SLC2A9: variants seen among roughly 807,000 people sequenced by gnomAD.
SLC2A9 encodes the protein solute carrier family 2, facilitated glucose transporter member 9.
A neutral mutation model predicts 50.6 loss-of-function variants in SLC2A9; 39 were observed. The ratio of observed to expected loss-of-function variants is 0.77; its 90% CI spans 0.60 to 1.01. SLC2A9 has a LOEUF of 1.01. Among genes scored for constraint, SLC2A9 ranks in the 50% least tolerant of loss-of-function variants. The probability of loss-of-function intolerance (pLI) is 0.00; values close to 1 mark genes in which losing one functional copy is unlikely to be tolerated. For synonymous variants in SLC2A9, 324 were observed against 276.9 expected, an observed-to-expected ratio of 1.17 and a Z score of -1.69; for missense variants, 686 against 677.6, an observed-to-expected ratio of 1.01 and a Z score of -0.14.
intron 8 of SLC2A9, among the ~76,000 whole-genome samples, chr4:9,902,349 G>T (rs1166459304): frequency 1.3e-5 from 2 of 152,224 alleles, no homozygotes; most frequent in Admixed American, 6.5e-5. Flanking sequence ...GTGAGCACTT[G>T]CTGAGTGCTG....
intron 6 of SLC2A9, among the ~76,000 whole-genome samples, chr4:9,921,923 G>GC (rs1553874745): frequency 1.3e-5 from 2 of 149,086 alleles, no homozygotes; most frequent in African/African-American, 2.5e-5. Context: ...CATAACCTAT[G>GC]TTTTTTTTTT....
At chr4:9,869,727 T>G (rs149236596) in intron 10 of SLC2A9, among the ~76,000 whole-genome samples, 5 of 152,362 alleles carry the variant, frequency 3.3e-5, no homozygotes, top group Non-Finnish European at 7.3e-5. Flanking sequence ...AGACAGTAAG[T>G]AGGTGTCCAA....
chr4:9,840,650 G>C (rs967010642), intron 10 of SLC2A9, among the ~76,000 whole-genome samples: 3 of 152,054 alleles, frequency 2.0e-5, no homozygotes, highest in Non-Finnish European at 2.9e-5. Context: ...GGGCTACTTG[G>C]GATATTTGTC....
intron 5 of SLC2A9, among the ~76,000 whole-genome samples, chr4:9,951,009 G>T (rs115197687): frequency 1.3e-5 from 2 of 151,230 alleles, no homozygotes; most frequent in East Asian, 3.9e-4. Context: ...CAAAGGAAAA[G>T]AAATTCATAC....
intron 2 of SLC2A9, among the ~76,000 whole-genome samples, chr4:10,012,180 C>T (rs1761875048): frequency 6.6e-6 from 1 of 152,194 alleles, no homozygotes; most frequent in African/African-American, 2.4e-5. Context: ...CTTCACAGAA[C>T]GTTTGCTGAT....
intron 10 of SLC2A9, among the ~76,000 whole-genome samples, chr4:9,873,229 G>T (rs1733742403): frequency 1.3e-5 from 2 of 152,038 alleles, no homozygotes; most frequent in African/African-American, 4.8e-5. Flanking sequence ...GTGTGTGTTT[G>T]TGTGTTTGCT....
At chr4:9,924,935 T>A (rs1294913276) in intron 6 of SLC2A9, among the ~76,000 whole-genome samples, 2 of 152,164 alleles carry the variant, frequency 1.3e-5, no homozygotes, top group Admixed American at 6.5e-5. Context: ...ACTGGGCTCA[T>A]TATCCCCAGG....
At chr4:9,923,154 G>C (rs1304305488) in intron 6 of SLC2A9, among the ~76,000 whole-genome samples, 1 of 152,154 alleles carries the variant, frequency 6.6e-6, no homozygotes, top group African/African-American at 2.4e-5. Context: ...GGCATTTCAG[G>C]CTGCCAGAGA....
intron 6 of SLC2A9, among the ~76,000 whole-genome samples, chr4:9,925,490 C>A (rs1744732629): frequency 6.6e-6 from 1 of 152,116 alleles, no homozygotes; most frequent in Admixed American, 6.5e-5. Context: ...GGGCTTCACA[C>A]CCAGCCCTGT....
intron 6 of SLC2A9, among the ~76,000 whole-genome samples, chr4:9,920,949 T>G (rs938564): frequency 0.31 from 46,678 of 152,134 alleles, 8,627 homozygotes; most frequent in African/African-American, 0.51. Context: ...AATAATTGCA[T>G]GATATCATAT....
At chr4:9,848,539 G>A (rs1015984425) in intron 10 of SLC2A9, among the ~76,000 whole-genome samples, 51 of 152,018 alleles carry the variant, frequency 3.4e-4, no homozygotes, top group African/African-American at 1.2e-3. Context: ...CTTGTTCATT[G>A]TGCTCCTCGA....
At chr4:9,854,695 T>C (rs1358586361) in intron 10 of SLC2A9, among the ~76,000 whole-genome samples, 2 of 152,154 alleles carry the variant, frequency 1.3e-5, no homozygotes, top group Middle Eastern at 3.2e-3. Flanking sequence ...TTGATGAATA[T>C]AGATGCAAAA....
At chr4:9,958,087 A>G (rs550281429) in intron 5 of SLC2A9, among the ~76,000 whole-genome samples, 5 of 152,358 alleles carry the variant, frequency 3.3e-5, no homozygotes, top group Non-Finnish European at 5.9e-5. Context: ...ATTTCTCATC[A>G]GCAATGTCAG....
At chr4:9,992,993 A>G (rs1318964027) in intron 3 of SLC2A9, among the ~76,000 whole-genome samples, 1 of 152,234 alleles carries the variant, frequency 6.6e-6, no homozygotes, top group African/African-American at 2.4e-5. Flanking sequence ...GCTCAGAATC[A>G]TAAAGACTTA....
At chr4:9,797,589 T>C (rs544087031), downstream of SLC2A9, among the ~76,000 whole-genome samples, 3 of 152,318 alleles carry the variant, frequency 2.0e-5, no homozygotes, top group African/African-American at 4.8e-5. Context: ...ACTTCAATCA[T>C]CTGAAGGAAG....
intron 11 of SLC2A9, 96 bp from the exon 12 acceptor site, chr4:9,826,696 A>G: frequency 2.7e-6 from 3 of 1,107,996 alleles, no homozygotes; most frequent in Non-Finnish European, 4.0e-6. Context: ...CTCCACATTC[A>G]TATACCAATA....
chr4:10,025,776 C>T (rs760381482), upstream of SLC2A9: 18 of 850,492 alleles, frequency 2.1e-5, no homozygotes, highest in Non-Finnish European at 3.2e-5. Flanking sequence ...TGGCTTTCAG[C>T]TGCTGCTCAC....
intron 9 of SLC2A9, 92 bp downstream of exon 9, chr4:9,890,518 T>C: frequency 1.7e-6 from 2 of 1,172,358 alleles, no homozygotes; most frequent in East Asian, 2.4e-5. Flanking sequence ...TCTGTAGAAG[T>C]ATGAACCCAC....
At chr4:9,779,367 G>T (rs1718010058), downstream of SLC2A9, among the ~76,000 whole-genome samples, 1 of 151,308 alleles carries the variant, frequency 6.6e-6, no homozygotes, top group Non-Finnish European at 1.5e-5. Flanking sequence ...ATTTGTAATT[G>T]TGTATTTCTT....
Sources: allele counts gnomAD v4.1 joint callset (sites outside exome capture counted in the v4.1 genomes callset), GRCh38; gene constraint gnomAD v4.1.1; transcripts MANE v1.5; gene names NCBI Gene and HGNC (gene_info 2026-07-23, HGNC 2026-07-21).